Variants in TCF12 observed in about 807,000 individuals in gnomAD.
TCF12 encodes the protein transcription factor 12, also known as DNA-binding protein HTF4.
A neutral mutation model predicts 86.0 loss-of-function variants in TCF12; 45 were observed. The observed-to-expected ratio is 0.52, with a 90% CI of 0.41 to 0.67. TCF12 has a LOEUF of 0.67. Among genes scored for constraint, TCF12 ranks in the 30% least tolerant of loss-of-function variants. The pLI is 0.00. For missense variants in TCF12, 881 were observed against 859.9 expected, an observed-to-expected ratio of 1.02 and a Z score of -0.31; for synonymous variants, 330 against 299.6, an observed-to-expected ratio of 1.10 and a Z score of -1.05.
rs1207068300 is a variant in TCF12, at chr15:57,219,425, A to G, written c.580-11727A>G. 9 of 1,458,676 alleles carry G rather than the reference A, an allele frequency of 6.2e-6. No homozygotes were observed. The South Asian group carries it at 7.2e-5, about 12-fold the overall frequency. 90.4% of individuals were successfully genotyped at this position (1,458,676 alleles called of 1,614,324 possible). ...TTTGAGTAGATCCATGTGTGAATGC[A>G]TAGTACTGAAGACTTACTCCCTTTG... On this transcript the variant is annotated intron_variant, in intron 8 of 20. Coordinates refer to ENST00000333725, the MANE Select transcript of TCF12 (RefSeq NM_207037.2).
intron 6 of TCF12, among the ~76,000 whole-genome samples, chr15:57,181,567 G>A (rs527614668): frequency 1.1e-3 from 163 of 151,992 alleles, no homozygotes; most frequent in Non-Finnish European, 2.0e-3. Context: ...AAGGATGTTG[G>A]CCAAGTCTAC....
At chr15:57,279,547 G>T (rs1428676452) in intron 19 of TCF12, among the ~76,000 whole-genome samples, 3 of 152,132 alleles carry the variant, frequency 2.0e-5, no homozygotes, top group African/African-American at 7.2e-5. Context: ...AATCAAAGTT[G>T]TGTATTTATT....
intron 13 of TCF12, among the ~76,000 whole-genome samples, chr15:57,250,163 A>G (rs142623263): frequency 2.4e-4 from 37 of 152,326 alleles, no homozygotes; most frequent in African/African-American, 8.9e-4. Context: ...GAAATTTTTT[A>G]ATAGATGACC....
intron 3 of TCF12, among the ~76,000 whole-genome samples, chr15:57,007,848 C>A (rs1596085297): frequency 1.3e-5 from 1 of 74,548 alleles, no homozygotes; most frequent in Non-Finnish European, 2.7e-5. Context: ...TTCTCTCTTT[C>A]CCTCCCTTCC....
At chr15:56,929,502 T>C (rs972635552) in intron 3 of TCF12, among the ~76,000 whole-genome samples, 2 of 152,104 alleles carry the variant, frequency 1.3e-5, no homozygotes, top group African/African-American at 4.8e-5. Flanking sequence ...TTTTGTTCCA[T>C]GTTTAAAATG....
At chr15:56,933,865 T>G (rs1052257134) in intron 3 of TCF12, among the ~76,000 whole-genome samples, 15 of 151,934 alleles carry the variant, frequency 9.9e-5, no homozygotes, top group Non-Finnish European at 1.9e-4. Context: ...CCTATGGAAC[T>G]CCTTATAATT....
intron 5 of TCF12, among the ~76,000 whole-genome samples, chr15:57,092,273 T>C (rs1030635773): frequency 2.0e-5 from 3 of 152,192 alleles, no homozygotes; most frequent in African/African-American, 7.2e-5. Flanking sequence ...TAGCAGTGAT[T>C]TTAGGCAGAC....
intron 16 of TCF12, among the ~76,000 whole-genome samples, chr15:57,254,162 T>C (rs941643714): frequency 6.6e-6 from 1 of 152,246 alleles, no homozygotes; most frequent in Non-Finnish European, 1.5e-5. Flanking sequence ...TTGGCATGTT[T>C]ATGGCATGGT....
chr15:57,111,684 C>T lies in TCF12; in HGVS notation c.325+19793C>T, dbSNP rs1041721144. Among the ~76,000 whole-genome samples, 6 of 151,080 alleles carry T rather than the reference C, an allele frequency of 4.0e-5. 1 individual carries two copies. In the South Asian group the frequency reaches 6.3e-4, roughly 16 times the overall value. On this transcript the variant is annotated intron_variant, in intron 5 of 20. Transcript: ENST00000333725. The stretch of plus-strand genomic sequence containing the variant: ...TCAGCTCACTGCAACCTCTGCCTAC[C>T]GGGCTCAAGTGATCCTTCGGGCTCA...
At chr15:56,919,609 A>C in intron 1 of TCF12, 6 of 234,718 alleles carry the variant, frequency 2.6e-5, no homozygotes, top group Non-Finnish European at 3.3e-5. Flanking sequence ...GGCGCCGAGG[A>C]GGTGGCAGAG....
intron 18 of TCF12, among the ~76,000 whole-genome samples, chr15:57,269,365 T>C (rs1429659581): frequency 1.6e-4 from 4 of 24,312 alleles, no homozygotes; most frequent in African/African-American, 6.9e-4. Context: ...CCCTGCTTTT[T>C]TTTTTTTTTT....
chr15:57,220,492 A>G (rs1042425569), intron 8 of TCF12, among the ~76,000 whole-genome samples: 4 of 152,200 alleles, frequency 2.6e-5, no homozygotes, highest in Non-Finnish European at 5.9e-5. Flanking sequence ...ATAAATCACT[A>G]TTTTTTAAAA....
intron 3 of TCF12, among the ~76,000 whole-genome samples, chr15:56,934,119 A>G (rs1241304358): frequency 1.3e-5 from 2 of 152,096 alleles, no homozygotes; most frequent in Non-Finnish European, 2.9e-5. Flanking sequence ...TGTTAATTGT[A>G]TTCCAAACCA....
chr15:56,920,780 T>A (rs1313220937), intron 2 of TCF12, among the ~76,000 whole-genome samples: 3 of 152,182 alleles, frequency 2.0e-5, no homozygotes, highest in African/African-American at 7.2e-5. Context: ...CTGTTTAAAC[T>A]TAATAATCTT....
At chr15:56,976,373 G>A (rs2062605033) in intron 3 of TCF12, among the ~76,000 whole-genome samples, 1 of 150,908 alleles carries the variant, frequency 6.6e-6, no homozygotes, top group South Asian at 2.1e-4. Flanking sequence ...TGGAAGTACA[G>A]GCGGCCGCTA....
intron 5 of TCF12, among the ~76,000 whole-genome samples, 190 bp from the exon 6 acceptor site, chr15:57,166,212 C>G (rs1027076408): frequency 1.3e-5 from 2 of 152,182 alleles, no homozygotes; most frequent in East Asian, 3.8e-4. Flanking sequence ...TCACTACATC[C>G]TGCCCAGAAT....
At chr15:57,067,479 G>T (rs902456817) in intron 4 of TCF12, among the ~76,000 whole-genome samples, 4 of 6,968 alleles carry the variant, frequency 5.7e-4, no homozygotes, top group Admixed American at 4.7e-3. Flanking sequence ...GGCGGAACTC[G>T]CAGTGAGCCA....
At chr15:57,136,399 T>C (rs2052523280) in intron 5 of TCF12, among the ~76,000 whole-genome samples, 1 of 152,254 alleles carries the variant, frequency 6.6e-6, no homozygotes, top group Non-Finnish European at 1.5e-5. Context: ...TTATTTCTCT[T>C]ATGAAGTCAC....
At chr15:57,131,601 A>G (rs1455386767) in intron 5 of TCF12, among the ~76,000 whole-genome samples, 13 of 152,238 alleles carry the variant, frequency 8.5e-5, no homozygotes, top group Non-Finnish European at 1.3e-4. Flanking sequence ...ACTTATAACA[A>G]TAAGTATATC....
Sources: allele counts gnomAD v4.1 joint callset (sites outside exome capture counted in the v4.1 genomes callset), GRCh38; gene constraint gnomAD v4.1.1; transcripts MANE v1.5; gene names NCBI Gene and HGNC (gene_info 2026-07-23, HGNC 2026-07-21).